DDX10: variants seen among roughly 807,000 people sequenced by gnomAD.
The protein encoded by DDX10 is DEAD-box helicase 10.
DDX10 carries 74 observed loss-of-function variants against 104.3 expected under a neutral mutation model. That is an observed-to-expected ratio of 0.71 (90% confidence interval 0.59 to 0.86). The LOEUF is 0.86. Ranked by LOEUF, DDX10 falls within the 40% of genes least tolerant of loss-of-function variation. DDX10 has a pLI of 0.00. For synonymous variants in DDX10, 351 were observed against 353.4 expected, an observed-to-expected ratio of 0.99 and a Z score of 0.08; for missense variants, 952 against 1,040.0, an observed-to-expected ratio of 0.92 and a Z score of 1.16.
chr11:108,858,796 C>T (rs1862904093), intron 16 of DDX10, among the ~76,000 whole-genome samples: 1 of 152,132 alleles, frequency 6.6e-6, no homozygotes, highest in Non-Finnish European at 1.5e-5. Context: ...TCGAGCTCCT[C>T]AAGTTGCATA....
chr11:108,913,691 T>G (rs1167926610), intron 16 of DDX10, among the ~76,000 whole-genome samples: 1 of 152,184 alleles, frequency 6.6e-6, no homozygotes, highest in African/African-American at 2.4e-5. Context: ...TGGTAAATTA[T>G]CTCTTAAATC....
At chr11:108,822,661 C>G in intron 13 of DDX10, 1 of 156,516 alleles carries the variant, frequency 6.4e-6, no homozygotes, top group South Asian at 1.8e-4. Flanking sequence ...ATTTAATTCT[C>G]TTCCATCACT....
chr11:108,711,673 G>C (rs985278590), intron 10 of DDX10, among the ~76,000 whole-genome samples: 1 of 152,216 alleles, frequency 6.6e-6, no homozygotes, highest in African/African-American at 2.4e-5. Flanking sequence ...TCTGAAAGCA[G>C]ATATTGTATG....
intron 13 of DDX10, among the ~76,000 whole-genome samples, chr11:108,804,610 A>C (rs1273222493): frequency 6.6e-6 from 1 of 151,964 alleles, no homozygotes; most frequent in African/African-American, 2.4e-5. Context: ...GGCACAGCTT[A>C]GCTGGGATCT....
At chr11:108,704,680 G>A (rs896919038) in intron 9 of DDX10, among the ~76,000 whole-genome samples, 1 of 152,294 alleles carries the variant, frequency 6.6e-6, no homozygotes. Flanking sequence ...GTTAGTGAAC[G>A]AAGATGAAGA....
At chr11:108,689,891 G>A (rs1401861284) in intron 7 of DDX10, among the ~76,000 whole-genome samples, 1 of 152,176 alleles carries the variant, frequency 6.6e-6, no homozygotes, top group African/African-American at 2.4e-5. Flanking sequence ...ATCTGATGCT[G>A]TTGTCTACTG....
At chr11:108,678,253 T>C in intron 4 of DDX10, 62 bp from the exon 5 acceptor site, 1 of 1,541,618 alleles carries the variant, frequency 6.5e-7, no homozygotes, top group East Asian at 2.3e-5. Flanking sequence ...CTTTTATAGC[T>C]TTGGTACACA....
chr11:108,864,911 G>A (rs955325736), intron 16 of DDX10, among the ~76,000 whole-genome samples: 1 of 152,290 alleles, frequency 6.6e-6, no homozygotes, highest in African/African-American at 2.4e-5. Context: ...CCAAACTCTA[G>A]TTGTCTTTCA....
At chr11:108,747,831 G>C (rs560278452) in intron 13 of DDX10, among the ~76,000 whole-genome samples, 34 of 151,938 alleles carry the variant, frequency 2.2e-4, no homozygotes, top group Non-Finnish European at 4.6e-4. Context: ...TGACCCTAAA[G>C]TTACCGATTC....
intron 16 of DDX10, among the ~76,000 whole-genome samples, chr11:108,875,112 C>T (rs1863134735): frequency 6.6e-6 from 1 of 152,044 alleles, no homozygotes. Context: ...TTCAAGAAAA[C>T]CCTAACCCAA....
At chr11:108,796,758 G>T (rs1861946288) in intron 13 of DDX10, among the ~76,000 whole-genome samples, 1 of 152,308 alleles carries the variant, frequency 6.6e-6, no homozygotes, top group East Asian at 1.9e-4. Flanking sequence ...TGTGGAGGGA[G>T]GGGTTGGAGG....
intron 16 of DDX10, among the ~76,000 whole-genome samples, chr11:108,864,779 C>T (rs1862987227): frequency 6.6e-6 from 1 of 152,072 alleles, no homozygotes; most frequent in African/African-American, 2.4e-5. Flanking sequence ...CTTCTTACAA[C>T]CCTGAGGTGC....
chr11:108,901,646 T>G (rs1264539098), intron 16 of DDX10, among the ~76,000 whole-genome samples: 3 of 152,184 alleles, frequency 2.0e-5, no homozygotes, highest in Non-Finnish European at 4.4e-5. Context: ...CATGCTGTAG[T>G]CTTAAATATT....
intron 13 of DDX10, among the ~76,000 whole-genome samples, chr11:108,778,689 C>G (rs1164935369): frequency 2.0e-5 from 3 of 152,168 alleles, no homozygotes; most frequent in South Asian, 2.1e-4. Flanking sequence ...CCAAAATTGA[C>G]AAATGGGATC....
intron 13 of DDX10, among the ~76,000 whole-genome samples, chr11:108,768,788 GATATCCT>G: frequency 6.6e-6 from 1 of 151,806 alleles, no homozygotes; most frequent in Middle Eastern, 3.4e-3. Flanking sequence ...CTCTTCCTCG[GATATCCT>G]ATTTCCTCGT....
rs192112447 is a variant in DDX10, at chr11:108,729,567, G to T, written c.1965+6105G>T. Among the ~76,000 whole-genome samples, 233 of 151,794 alleles carry T rather than the reference G, an allele frequency of 1.5e-3. 1 individual carries two copies. Among genetic ancestry groups the T allele is most frequent in the Non-Finnish European group, 2.5e-4 (17 of 67,846 alleles). On this transcript the variant is annotated intron_variant, in intron 13 of 17. Coordinates refer to ENST00000322536, the MANE Select transcript of DDX10 (RefSeq NM_004398.4). Reference sequence around the variant, plus strand: ...AAAAACAAAACAAGGAAGAACAAAAGAAATTGTTGCAGGCCTTTTTTTTTT... The same window carrying T: ...AAAAACAAAACAAGGAAGAACAAAATAAATTGTTGCAGGCCTTTTTTTTTT...
chr11:108,813,457 A>G (rs902235869), intron 13 of DDX10, among the ~76,000 whole-genome samples: 1 of 152,022 alleles, frequency 6.6e-6, no homozygotes, highest in Admixed American at 6.6e-5. Flanking sequence ...CACTCTCTCT[A>G]TTGGGAAAAT....
intron 13 of DDX10, among the ~76,000 whole-genome samples, chr11:108,734,869 T>C (rs2094316510): frequency 6.6e-6 from 1 of 152,208 alleles, no homozygotes; most frequent in African/African-American, 2.4e-5. Context: ...AGTGCTTGTT[T>C]ATATGGCTCT....
intron 17 of DDX10, chr11:108,921,505 T>G (rs1863825412): frequency 6.6e-6 from 1 of 152,272 alleles, no homozygotes; most frequent in Non-Finnish European, 1.5e-5. Context: ...TTTTACTTGC[T>G]GTGCTGTCTC....
Sources: gnomAD v4.1 joint callset for allele counts (sites outside exome capture counted in the v4.1 genomes callset) on GRCh38, gnomAD v4.1.1 for gene constraint, MANE v1.5 for transcripts, NCBI Gene and HGNC (gene_info 2026-07-23, HGNC 2026-07-21) for gene names.